Variants in SH3D19 observed in about 807,000 individuals in gnomAD.
SH3D19 encodes the protein SH3 domain-containing protein 19.
SH3D19 carries 58 observed loss-of-function variants against 112.1 expected under a neutral mutation model. The ratio of observed to expected loss-of-function variants is 0.52; its 90% CI spans 0.42 to 0.64. SH3D19 has a LOEUF of 0.64. SH3D19 is among the 30% of genes least tolerant of loss of function. The pLI, the probability that SH3D19 is intolerant of heterozygous loss-of-function variation, is 0.00. For missense variants in SH3D19, 1,090 were observed against 1,263.4 expected, an observed-to-expected ratio of 0.86 and a Z score of 2.08; for synonymous variants, 391 against 448.5, an observed-to-expected ratio of 0.87 and a Z score of 1.62.
At chr4:151,286,376 C>G (rs1408943400) in intron 1 of SH3D19, among the ~76,000 whole-genome samples, 1 of 147,030 alleles carries the variant, frequency 6.8e-6, no homozygotes, top group Non-Finnish European at 1.5e-5. Context: ...AAAAAAAAGA[C>G]TGAAATTACT....
intron 7 of SH3D19, among the ~76,000 whole-genome samples, chr4:151,174,155 T>C (rs1759530469): frequency 6.6e-6 from 1 of 152,208 alleles, no homozygotes; most frequent in East Asian, 1.9e-4. Context: ...AGTCCTCCCC[T>C]GGAGCTGGCC....
At chr4:151,171,578 C>T (rs1759076980) in intron 7 of SH3D19, among the ~76,000 whole-genome samples, 1 of 152,170 alleles carries the variant, frequency 6.6e-6, no homozygotes, top group African/African-American at 2.4e-5. Context: ...AAGCAGAGGC[C>T]TCTTTACACC....
chr4:151,182,610 A>G (rs933937215), intron 3 of SH3D19, among the ~76,000 whole-genome samples: 1 of 152,098 alleles, frequency 6.6e-6, no homozygotes. Context: ...CTTTTTTCAC[A>G]TTCACTTATC....
At position 151,322,331 on chromosome 4, in the gene SH3D19, G is replaced by A. The variant is rs556275504; in HGVS notation, c.112+2910C>T. On this transcript the variant is annotated intron_variant, in intron 1 of 19. Coordinates refer to ENST00000604030, the MANE Select transcript of SH3D19 (RefSeq NM_001378122.1). ...ACTTGTAATCCCAGCCACTCTGTAG[G>A]CTGAGGCATGAGAATCACTTGAACC... 7.9e-5 allele frequency among the ~76,000 whole-genome samples: 12 copies of A among 151,388 alleles called. No individual in the cohort carries two copies. The South Asian group carries it at 2.5e-3, about 32-fold the overall frequency.
intron 19 of SH3D19, among the ~76,000 whole-genome samples, chr4:151,126,889 AAC>A (rs1749509991): frequency 6.6e-6 from 1 of 150,700 alleles, no homozygotes; most frequent in South Asian, 2.1e-4. Context: ...AAAAAAAAAA[AAC>A]CTTTGCAAAC....
At chr4:151,268,409 A>T (rs544770294) in intron 1 of SH3D19, among the ~76,000 whole-genome samples, 1 of 152,272 alleles carries the variant, frequency 6.6e-6, no homozygotes, top group African/African-American at 2.4e-5. Context: ...TAGACTTTAT[A>T]AACACTGTAC....
At chr4:151,188,547 C>A (rs1447731070) in intron 2 of SH3D19, among the ~76,000 whole-genome samples, 1 of 152,164 alleles carries the variant, frequency 6.6e-6, no homozygotes, top group Non-Finnish European at 1.5e-5. Flanking sequence ...TATGTTACTA[C>A]TGCTCAAAAA....
chr4:151,189,254 C>T (rs1312441119), intron 2 of SH3D19, among the ~76,000 whole-genome samples: 1 of 152,080 alleles, frequency 6.6e-6, no homozygotes, highest in African/African-American at 2.4e-5. Flanking sequence ...GCTGGGACTA[C>T]AGGCACCCAC....
chr4:151,304,288 G>T (rs1185763443), intron 1 of SH3D19, among the ~76,000 whole-genome samples: 1 of 152,096 alleles, frequency 6.6e-6, no homozygotes, highest in Non-Finnish European at 1.5e-5. Context: ...CCAACCAAAA[G>T]CTTGTAGCAA....
At chr4:151,263,548 A>T (rs1441187523) in intron 1 of SH3D19, among the ~76,000 whole-genome samples, 1 of 152,242 alleles carries the variant, frequency 6.6e-6, no homozygotes, top group Non-Finnish European at 1.5e-5. Context: ...TCTGCAGGAC[A>T]GTTATCTGGA....
chr4:151,292,000 G>A (rs542285249), intron 1 of SH3D19, among the ~76,000 whole-genome samples: 2 of 151,806 alleles, frequency 1.3e-5, no homozygotes, highest in African/African-American at 2.4e-5. Flanking sequence ...AGTAAAAAAA[G>A]AAGAAAAAAA....
chr4:151,175,159 C>T lies in SH3D19; in HGVS notation c.1045G>A (p.Asp349Asn), dbSNP rs765982605. Residue 349 changes from aspartate (D) to asparagine (N), a missense_variant, in exon 7 of 20, where the codon GAC becomes AAC. Asp to Asn is a conservative substitution (Grantham distance 23). Transcript: ENST00000604030. ...PAANRASGEW[D>N]SGTENRLKVT... ...TTGAGTCTGTTCTCAGTCCCAGAGT[C>T]CCACTCTCCAGAAGCTCTGTTAGCA... 1 of 1,614,146 alleles carries T rather than the reference C, an allele frequency of 6.2e-7. No individual in the cohort carries two copies. Among genetic ancestry groups the T allele is most frequent in the Non-Finnish European group, 8.5e-7 (1 of 1,180,030 alleles).
intron 18 of SH3D19, 35 bp from the exon 19 acceptor site, chr4:151,127,750 C>T (rs905069548): frequency 3.0e-5 from 38 of 1,249,912 alleles, no homozygotes; most frequent in Non-Finnish European, 4.0e-5. Flanking sequence ...TATATAGAAA[C>T]ACAGTGGACT....
intron 1 of SH3D19, among the ~76,000 whole-genome samples, chr4:151,302,102 C>CCA (rs1728483307): frequency 6.6e-6 from 1 of 152,138 alleles, no homozygotes; most frequent in Non-Finnish European, 1.5e-5. Flanking sequence ...TGCAGGACCC[C>CCA]CACACCATTA....
chr4:151,237,595 A>G (rs906656569), intron 1 of SH3D19, among the ~76,000 whole-genome samples: 18 of 152,196 alleles, frequency 1.2e-4, no homozygotes, highest in Non-Finnish European at 7.3e-5. Context: ...TCTAAGCTTC[A>G]GTGTCCACAT....
intron 1 of SH3D19, among the ~76,000 whole-genome samples, chr4:151,313,823 C>G (rs1240670680): frequency 6.6e-6 from 1 of 152,078 alleles, no homozygotes; most frequent in Non-Finnish European, 1.5e-5. Context: ...AATGAAGAAA[C>G]AAAGGGTGTG....
rs182161569 is a variant in SH3D19 at position 151,131,577 on chromosome 4, C to G, written c.2742+754G>C. Among the ~76,000 whole-genome samples, 352 of 151,920 alleles carry G rather than the reference C, an allele frequency of 2.3e-3. 3 individuals are homozygous for G. The highest frequency in any genetic ancestry group is 7.2e-3 in the African/African-American group (298 of 41,410). On this transcript the variant is annotated intron_variant, in intron 17 of 19. Coordinates refer to ENST00000604030, the MANE Select transcript of SH3D19 (RefSeq NM_001378122.1). ...TCTTGGCTCACTGCAAACTCTGCCC[C>G]CCGGGTTCACGCCATTCCCCTGCCT...
intron 2 of SH3D19, among the ~76,000 whole-genome samples, chr4:151,204,946 G>T (rs914948897): frequency 6.6e-6 from 1 of 151,816 alleles, no homozygotes; most frequent in Non-Finnish European, 1.5e-5. Context: ...TCAGTCTCTC[G>T]AGTAGCCGGG....
intron 9 of SH3D19, among the ~76,000 whole-genome samples, chr4:151,157,015 G>A (rs1176069264): frequency 2.6e-5 from 4 of 152,144 alleles, no homozygotes; most frequent in Non-Finnish European, 5.9e-5. Flanking sequence ...ACTTTGGGAG[G>A]CGGAGGCCAG....
Sources: allele counts gnomAD v4.1 joint callset (sites outside exome capture counted in the v4.1 genomes callset), GRCh38; gene constraint gnomAD v4.1.1; transcripts MANE v1.5; gene names NCBI Gene and HGNC (gene_info 2026-07-23, HGNC 2026-07-21).